The following THOC2 variants were observed in gnomAD, a reference collection of about 807,000 sequenced individuals.
The protein encoded by THOC2 is THO complex subunit 2.
In THOC2, 10 loss-of-function variants were observed where a neutral mutation model predicts 128.4. The ratio of observed to expected loss-of-function variants is 0.08; its 90% CI spans 0.05 to 0.13. The LOEUF is 0.13. THOC2 is among the 10% of genes least tolerant of loss of function. The pLI is 1.00. For missense variants in THOC2, 535 were observed against 1,155.7 expected, an observed-to-expected ratio of 0.46 and a Z score of 7.79; for synonymous variants, 393 against 396.9, an observed-to-expected ratio of 0.99 and a Z score of 0.12.
chrX:123,683,390 AGGGGTATG>A (rs1388270981), intron 8 of THOC2, among the ~76,000 whole-genome samples: 4 of 111,147 alleles, frequency 3.6e-5, no homozygotes, highest in Admixed American at 2.9e-4. Context: ...GTGATGGGAA[AGGGGTATG>A]GGGGAATTAG....
At chrX:123,715,018 G>T (rs940935627) in intron 1 of THOC2, among the ~76,000 whole-genome samples, 8 of 84,662 alleles carry the variant, frequency 9.4e-5, no homozygotes, top group African/African-American at 4.0e-4. Flanking sequence ...AGCAATAAAG[G>T]CTTTTTTTTT....
chrX:123,618,716 T>C (rs1454077629), intron 33 of THOC2, among the ~76,000 whole-genome samples: 1 of 111,890 alleles, frequency 8.9e-6, no homozygotes, highest in Non-Finnish European at 1.9e-5. Context: ...AATTCAAGTA[T>C]AATACTGAAA....
chrX:123,669,625 T>C (rs921088792), intron 9 of THOC2, among the ~76,000 whole-genome samples: 4 of 111,745 alleles, frequency 3.6e-5, no homozygotes, highest in African/African-American at 1.3e-4. Flanking sequence ...CATAGGTCCT[T>C]ATCTTTTACC....
At position 123,711,195 on chromosome X, in the gene THOC2, G is replaced by GTT. The variant is rs763172522; in HGVS notation, c.130+1653_130+1654dup. 2.8e-4 allele frequency among the ~76,000 whole-genome samples: 26 copies of GTT among 94,194 alleles called. 1 individual carries two copies. Among genetic ancestry groups the GTT allele is most frequent in the African/African-American group, 3.3e-4 (8 of 24,411 alleles). 81.8% of individuals were successfully genotyped at this position (94,194 alleles called of 115,157 possible). A position where few individuals can be genotyped will look rare whatever the true frequency, so the allele number is the denominator to read the frequency against. On this transcript the variant is annotated intron_variant, in intron 2 of 38. Transcript: ENST00000245838. ...CACCACACGCAGCTAATTTTTTTTT[G>GTT]TTTTTGTTTTTTTTTTGGTAGAGAT...
intron 4 of THOC2, among the ~76,000 whole-genome samples, chrX:123,702,626 T>TA (rs2050754885): frequency 9.5e-6 from 1 of 105,339 alleles, no homozygotes; most frequent in Non-Finnish European, 1.9e-5. Flanking sequence ...ATACATATAT[T>TA]TTATATGTAT....
Position 123,613,380 on chromosome X carries a change from CT to C in THOC2, c.4677+18del. On this transcript the variant is annotated intron_variant, in intron 36 of 38. Coordinates refer to ENST00000245838, the MANE Select transcript of THOC2 (RefSeq NM_001081550.2). Reference sequence around the variant, plus strand: ...TTTTTTAAGATAAAGCATATTATTCCTTTATTTTCCTAATTTACCTTTTTGC... The same window carrying C: ...TTTTTTAAGATAAAGCATATTATTCCTTATTTTCCTAATTTACCTTTTTGC... The C allele has an allele frequency of 2.5e-6, 3 of 1,186,422 alleles. No homozygotes were observed. Among genetic ancestry groups the C allele is most frequent in the Non-Finnish European group, 3.4e-6 (3 of 878,543 alleles).
chrX:123,607,444 T>TTTTATTTATTTATTTA (rs201176690), intron 38 of THOC2, among the ~76,000 whole-genome samples: 3 of 97,795 alleles, frequency 3.1e-5, no homozygotes, highest in African/African-American at 1.2e-4. Context: ...CCTAGCTAAG[T>TTTTATTTATTTATTTA]TTTATTTATT....
At chrX:123,718,733 T>C (rs768801259) in intron 1 of THOC2, among the ~76,000 whole-genome samples, 1 of 107,617 alleles carries the variant, frequency 9.3e-6, no homozygotes, top group African/African-American at 3.4e-5. Flanking sequence ...CACTCCAACC[T>C]AGGCAACAGA....
At chrX:123,710,819 G>A (rs753268121) in intron 2 of THOC2, among the ~76,000 whole-genome samples, 3 of 107,331 alleles carry the variant, frequency 2.8e-5, no homozygotes, top group South Asian at 4.4e-4. Flanking sequence ...GTGAAACCCC[G>A]TCTCTACTAA....
intron 12 of THOC2, among the ~76,000 whole-genome samples, chrX:123,653,771 C>T (rs958551706): frequency 1.8e-5 from 2 of 111,981 alleles, no homozygotes; most frequent in Non-Finnish European, 3.8e-5. Context: ...ACAACAGATG[C>T]TGACAAGGAT....
intron 1 of THOC2, among the ~76,000 whole-genome samples, chrX:123,728,554 T>C (rs1029052934): frequency 5.4e-5 from 6 of 110,828 alleles, no homozygotes; most frequent in African/African-American, 1.3e-4. Context: ...TGGAGCAACT[T>C]TGCGAGGAAA....
chrX:123,719,043 T>A (rs1186271565), intron 1 of THOC2, among the ~76,000 whole-genome samples: 1 of 108,553 alleles, frequency 9.2e-6, no homozygotes, highest in Non-Finnish European at 1.9e-5. Context: ...TCGGGTGTGG[T>A]GGCGGGCGCC....
intron 32 of THOC2, chrX:123,620,668 C>A: frequency 3.3e-6 from 1 of 304,322 alleles, no homozygotes; most frequent in South Asian, 1.4e-4. Context: ...ATTTCTCTTG[C>A]ACTTTGAAAC....
At chrX:123,617,481 C>T (rs1369590535) in intron 33 of THOC2, among the ~76,000 whole-genome samples, 1 of 110,820 alleles carries the variant, frequency 9.0e-6, no homozygotes. Flanking sequence ...CTAGAAAAAC[C>T]CTCTCAACTA....
At chrX:123,693,088 A>G (rs774791855) in intron 7 of THOC2, among the ~76,000 whole-genome samples, 2 of 111,927 alleles carry the variant, frequency 1.8e-5, no homozygotes, top group South Asian at 7.5e-4. Context: ...ACTAAGAGGG[A>G]CTCCAATAAA....
chrX:123,614,011 T>C, intron 34 of THOC2, 41 bp downstream of exon 34: 7 of 1,165,476 alleles, frequency 6.0e-6, no homozygotes, highest in Non-Finnish European at 8.1e-6. Context: ...GTGTACATGA[T>C]AATGAGCTTT....
At chrX:123,625,785 G>T in intron 25 of THOC2, 127 bp downstream of exon 25, 1 of 686,310 alleles carries the variant, frequency 1.5e-6, no homozygotes, top group Non-Finnish European at 2.2e-6. Flanking sequence ...GTAGAGCTAG[G>T]ATTCAAGTTC....
chrX:123,681,103 C>T (rs1217527218), intron 8 of THOC2, among the ~76,000 whole-genome samples: 1 of 111,682 alleles, frequency 9.0e-6, no homozygotes, highest in Non-Finnish European at 1.9e-5. Flanking sequence ...TTTGTCCTGC[C>T]TTTCCAGTAG....
chrX:123,727,571 C>T (rs1435688206), intron 1 of THOC2, among the ~76,000 whole-genome samples: 1 of 112,211 alleles, frequency 8.9e-6, no homozygotes, highest in African/African-American at 3.2e-5. Flanking sequence ...TAATAACTTT[C>T]AAATACTTGA....
Sources: allele counts gnomAD v4.1 joint callset (sites outside exome capture counted in the v4.1 genomes callset), GRCh38; gene constraint gnomAD v4.1.1; transcripts MANE v1.5; gene names NCBI Gene and HGNC (gene_info 2026-07-23, HGNC 2026-07-21).